GDAP2: variants seen among roughly 807,000 people sequenced by gnomAD.
GDAP2 encodes the protein ganglioside-induced differentiation-associated protein 2.
GDAP2 carries 51 observed loss-of-function variants against 67.0 expected under a neutral mutation model. The ratio of observed to expected loss-of-function variants is 0.76; its 90% CI spans 0.61 to 0.96. GDAP2 has a LOEUF of 0.96. Among genes scored for constraint, GDAP2 ranks in the 40% least tolerant of loss-of-function variants. The pLI is 0.00. For missense variants in GDAP2, 547 were observed against 588.3 expected (o/e 0.93, Z 0.73); for synonymous variants, 203 against 207.3 (o/e 0.98, Z 0.18).
chr1:117,918,279 T>C lies in GDAP2; in HGVS notation c.316+318A>G, dbSNP rs527381266. 6.6e-5 allele frequency among the ~76,000 whole-genome samples: 10 copies of C among 152,308 alleles called. No individual in the cohort carries two copies. In the East Asian group the frequency reaches 1.3e-3, roughly 21 times the overall value. ...GAGGAGAGTCATCTCACAAAGCTTT[T>C]CTTGCATGTTTTGTGCAAGAAAATA... On this transcript the variant is annotated intron_variant, in intron 3 of 13. Coordinates refer to ENST00000369443, the MANE Select transcript of GDAP2 (RefSeq NM_017686.4).
intron 13 of GDAP2, chr1:117,877,494 T>C: frequency 1.0e-6 from 1 of 974,752 alleles, no homozygotes; most frequent in Non-Finnish European, 1.2e-6. Flanking sequence ...AGTGCTTATG[T>C]AACAGATCCA....
intron 13 of GDAP2, among the ~76,000 whole-genome samples, chr1:117,873,784 T>C (rs1648369457): frequency 6.6e-6 from 1 of 152,180 alleles, no homozygotes; most frequent in Non-Finnish European, 1.5e-5. Flanking sequence ...GCTTCATCCT[T>C]AGTGGCTACT....
intron 8 of GDAP2, among the ~76,000 whole-genome samples, chr1:117,892,003 C>T (rs1055335754): frequency 3.3e-5 from 5 of 152,010 alleles, no homozygotes; most frequent in Admixed American, 2.6e-4. Flanking sequence ...TCTCTATGAA[C>T]ATATTTGTGG....
chr1:117,878,953 A>T (rs1648560044), intron 12 of GDAP2, among the ~76,000 whole-genome samples: 1 of 152,228 alleles, frequency 6.6e-6, no homozygotes, highest in Non-Finnish European at 1.5e-5. Context: ...GAAGAAGGTA[A>T]CGTATGCAGG....
chr1:117,886,798 T>C (rs2101126908), intron 9 of GDAP2, 145 bp from the exon 10 acceptor site: 3 of 548,072 alleles, frequency 5.5e-6, no homozygotes, highest in Non-Finnish European at 9.6e-6. Context: ...CATCTTCCAA[T>C]TTTTTTTCTA....
rs546218732 is a variant in GDAP2, at chr1:117,911,747, T to G, written c.559+247A>C. Reference sequence around the variant, plus strand: ...TGAATATTCTTTGGCTGTAACTATTTAATGATTAAAAAAAAAAAAAACCTT... The same window carrying G: ...TGAATATTCTTTGGCTGTAACTATTGAATGATTAAAAAAAAAAAAAACCTT... On this transcript the variant is annotated intron_variant, in intron 5 of 13. Transcript: ENST00000369443. Among the ~76,000 whole-genome samples, 11 of 150,832 alleles carry G rather than the reference T, an allele frequency of 7.3e-5. No individual in the cohort carries two copies. The East Asian group carries it at 2.1e-3, about 29-fold the overall frequency.
In GDAP2 at chr1:117,892,653, A is replaced by G. The variant is rs148508187; in HGVS notation, c.953+4180T>C. 2.5e-4 allele frequency among the ~76,000 whole-genome samples: 38 copies of G among 152,274 alleles called. No individual in the cohort carries two copies. The East Asian group carries it at 6.9e-3, about 28-fold the overall frequency. On this transcript the variant is annotated intron_variant, in intron 8 of 13. Transcript: ENST00000369443. Reference sequence around the variant, plus strand: ...ACTACAGTGCTCTAAATGCAGAAACACTAATTAGTTTCTCAATGGGTTGCA... The same window carrying G: ...ACTACAGTGCTCTAAATGCAGAAACGCTAATTAGTTTCTCAATGGGTTGCA...
At chr1:117,907,947 A>T (rs182238709) in intron 5 of GDAP2, among the ~76,000 whole-genome samples, 2 of 152,168 alleles carry the variant, frequency 1.3e-5, no homozygotes, top group South Asian at 2.1e-4. Flanking sequence ...TCCCCCACTC[A>T]GCTCTTTAGT....
rs1557796595 is a variant in GDAP2, at chr1:117,883,575, A to G, written c.1160T>C (p.Val387Ala). The change falls in exon 11 of 14, where the codon GTA becomes GCA. Residue 387 changes from valine (V) to alanine (A), a missense_variant. By Grantham distance (64) the Val-to-Ala change is moderately conservative. Coordinates refer to ENST00000369443, the MANE Select transcript of GDAP2 (RefSeq NM_017686.4). ...GGTCAGGGTGTGAAAATACACTAAT[A>G]CATACTCCTTCACAGCAATGTGATC... ...VMDHIAVKEY[V>A]LVYFHTLTSE... is the part of the protein sequence containing the mutation. 20 of 1,599,696 alleles carry G rather than the reference A, an allele frequency of 1.3e-5. No individual in the cohort carries two copies. Among genetic ancestry groups the G allele is most frequent in the Non-Finnish European group, 1.5e-5 (17 of 1,167,170 alleles).
At chr1:117,912,232 A>G (rs982006927) in intron 4 of GDAP2, 150 bp from the exon 5 acceptor site, 7 of 629,100 alleles carry the variant, frequency 1.1e-5, no homozygotes, top group Middle Eastern at 3.5e-4. Flanking sequence ...TGTACCACTC[A>G]ATAATTCTAT....
intron 1 of GDAP2, among the ~76,000 whole-genome samples, chr1:117,926,805 G>T (rs886491314): frequency 1.3e-5 from 2 of 152,104 alleles, no homozygotes; most frequent in Admixed American, 6.5e-5. Flanking sequence ...AAATAAATTT[G>T]AATTAGAATC....
At chr1:117,911,944 A>C in intron 5 of GDAP2, 50 bp downstream of exon 5, 1 of 1,092,200 alleles carries the variant, frequency 9.2e-7, no homozygotes, top group Non-Finnish European at 1.4e-6. Context: ...CCCAGAATTT[A>C]AAAAATTTTT....
chr1:117,899,273 A>G, intron 6 of GDAP2, 57 bp from the exon 7 acceptor site: 1 of 1,181,010 alleles, frequency 8.5e-7, no homozygotes, highest in Non-Finnish European at 1.3e-6. Flanking sequence ...AGAAGACCTC[A>G]GCAGTACTTA....
chr1:117,928,488 C>A (rs544440073), intron 1 of GDAP2, among the ~76,000 whole-genome samples: 2 of 152,306 alleles, frequency 1.3e-5, no homozygotes, highest in East Asian at 3.9e-4. Flanking sequence ...GCTCCCTTTC[C>A]CACCAAGCTT....
chr1:117,870,926 C>T (rs1200209048), intron 13 of GDAP2, among the ~76,000 whole-genome samples: 1 of 152,174 alleles, frequency 6.6e-6, no homozygotes, highest in Non-Finnish European at 1.5e-5. Context: ...AAGTAGGTAA[C>T]ATCCTCACTT....
chr1:117,867,313 C>G lies in GDAP2; in HGVS notation c.*3256G>C, dbSNP rs1265925057. Reference sequence around the variant, plus strand: ...CAATTTCAGAAATTTGATTAAAAAACTACATCTATTTTTCCTACCAAAAAT... The same window carrying G: ...CAATTTCAGAAATTTGATTAAAAAAGTACATCTATTTTTCCTACCAAAAAT... On this transcript the variant is annotated 3_prime_UTR_variant, in exon 14 of 14. Coordinates refer to ENST00000369443, the MANE Select transcript of GDAP2 (RefSeq NM_017686.4). 2.0e-5 allele frequency: 3 copies of G among 151,982 alleles called. No homozygotes were observed. Among genetic ancestry groups the G allele is most frequent in the African/African-American group, 7.3e-5 (3 of 41,378 alleles). 9.4% of individuals were successfully genotyped at this position (151,982 alleles called of 1,614,324 possible).
chr1:117,920,308 G>T lies in GDAP2; in HGVS notation c.50C>A (p.Pro17Gln). The change falls in exon 2 of 14, where the codon CCA becomes CAA. Residue 17 changes from proline (P) to glutamine (Q), a missense_variant. Pro to Gln is a moderately conservative substitution (Grantham distance 76, BLOSUM62 -1). Transcript: ENST00000369443. ...ATCTTGGCATGAGTCACCCCAGCTT[G>T]GTAGTGTATCCACATCCACAAACTG... ...PSQFVDVDTL[P>Q]SWGDSCQDEL... The T allele has an allele frequency of 6.2e-7, 1 of 1,609,272 alleles. No homozygotes were observed. Among genetic ancestry groups the T allele is most frequent in the African/African-American group, 1.3e-5 (1 of 74,908 alleles).
intron 8 of GDAP2, among the ~76,000 whole-genome samples, chr1:117,889,513 G>A (rs913371648): frequency 7.2e-5 from 11 of 151,750 alleles, no homozygotes; most frequent in African/African-American, 2.7e-4. Context: ...TTTATTCTCT[G>A]TTTTTCTGAG....
chr1:117,903,360 A>T (rs1649546893), intron 6 of GDAP2, among the ~76,000 whole-genome samples: 1 of 152,174 alleles, frequency 6.6e-6, no homozygotes, highest in Non-Finnish European at 1.5e-5. Context: ...TTCTGATCTT[A>T]GGCAGAAAGC....
Sources: gnomAD v4.1 joint callset for allele counts (sites outside exome capture counted in the v4.1 genomes callset) on GRCh38, gnomAD v4.1.1 for gene constraint, MANE v1.5 for transcripts, NCBI Gene and HGNC (gene_info 2026-07-23, HGNC 2026-07-21) for gene names.